SRGAP2C: variants seen among roughly 807,000 people sequenced by gnomAD.
The protein encoded by SRGAP2C is SLIT-ROBO Rho GTPase activating protein 2C, also known as SLIT-ROBO Rho GTPase-activating protein 2C.
SRGAP2C carries 15 observed loss-of-function variants against 25.1 expected under a neutral mutation model. That is an observed-to-expected ratio of 0.60 (90% CI 0.40 to 0.92). SRGAP2C has a LOEUF of 0.92. Ranked by LOEUF, SRGAP2C falls within the 40% of genes least tolerant of loss-of-function variation. The pLI is 0.00. For synonymous variants in SRGAP2C, 44 were observed against 96.6 expected (o/e 0.46, Z 3.19); for missense variants, 144 against 264.4 (o/e 0.54, Z 3.16).
At chr1:121,206,400 C>T (rs1252788856) in intron 2 of SRGAP2C, among the ~76,000 whole-genome samples, 2 of 152,126 alleles carry the variant, frequency 1.3e-5, no homozygotes, top group Non-Finnish European at 2.9e-5. Context: ...GGAGTAAGAT[C>T]GAAGTGGATA....
intron 3 of SRGAP2C, among the ~76,000 whole-genome samples, chr1:121,287,863 C>A (rs1173237542): frequency 6.6e-6 from 1 of 151,600 alleles, no homozygotes; most frequent in Admixed American, 6.6e-5. Flanking sequence ...TAAGGCAGCG[C>A]GTCTGGAGTT....
intron 2 of SRGAP2C, among the ~76,000 whole-genome samples, chr1:121,202,515 G>A (rs1219088766): frequency 1.4e-5 from 2 of 145,134 alleles, no homozygotes; most frequent in South Asian, 2.2e-4. Flanking sequence ...TGCAACCTCC[G>A]ACTCCCGGAT....
At chr1:121,215,056 TC>T (rs1390225451) in intron 2 of SRGAP2C, among the ~76,000 whole-genome samples, 2 of 49,600 alleles carry the variant, frequency 4.0e-5, no homozygotes, top group Non-Finnish European at 7.3e-5. Flanking sequence ...TAGTTGCAGT[TC>T]CCCAAGGCTT....
chr1:121,273,295 G>A (rs782635152), intron 2 of SRGAP2C, among the ~76,000 whole-genome samples: 5,305 of 94,478 alleles, frequency 0.056, 411 homozygotes, highest in African/African-American at 0.11. Flanking sequence ...AAAAACTGTG[G>A]TCAACTAAAT....
chr1:121,292,189 G>A (rs1299024466), intron 3 of SRGAP2C, among the ~76,000 whole-genome samples: 8 of 151,806 alleles, frequency 5.3e-5, no homozygotes, highest in Admixed American at 1.3e-4. Context: ...AAGAGTCCAC[G>A]TAGCTGATGA....
At chr1:121,210,304 T>A (rs1655218833) in intron 2 of SRGAP2C, among the ~76,000 whole-genome samples, 2 of 125,082 alleles carry the variant, frequency 1.6e-5, no homozygotes, top group African/African-American at 3.2e-5. Context: ...GCAGGGTAAT[T>A]CCATCAGCGC....
chr1:121,323,656 G>A (rs1490210736), intron 3 of SRGAP2C, among the ~76,000 whole-genome samples: 1 of 137,264 alleles, frequency 7.3e-6, no homozygotes, highest in Non-Finnish European at 1.5e-5. Context: ...GAGCACCTTG[G>A]TTTAGCACTT....
chr1:121,285,782 C>T (rs1657350783), intron 3 of SRGAP2C, among the ~76,000 whole-genome samples: 1 of 146,968 alleles, frequency 6.8e-6, no homozygotes. Flanking sequence ...GGGCCCCACT[C>T]CAGACCAATT....
At chr1:121,315,225 C>A (rs1308188800) in intron 3 of SRGAP2C, among the ~76,000 whole-genome samples, 20 of 151,400 alleles carry the variant, frequency 1.3e-4, no homozygotes, top group African/African-American at 4.9e-4. Context: ...TGCACTATGG[C>A]CTGAAGCTCC....
At chr1:121,377,156 G>A (rs1454594900) in intron 7 of SRGAP2C, among the ~76,000 whole-genome samples, 1 of 140,194 alleles carries the variant, frequency 7.1e-6, no homozygotes, top group Non-Finnish European at 1.5e-5. Context: ...ACAGGATGTG[G>A]TGTGACATGC....
chr1:121,329,215 A>T (rs1553341985), intron 4 of SRGAP2C, among the ~76,000 whole-genome samples: 1 of 151,822 alleles, frequency 6.6e-6, no homozygotes, highest in East Asian at 1.9e-4. Context: ...CGTCTCAGAA[A>T]AAAAGAAGAG....
At chr1:121,282,209 TC>T (rs1212377968) in intron 2 of SRGAP2C, among the ~76,000 whole-genome samples, 1 of 55,356 alleles carries the variant, frequency 1.8e-5, no homozygotes, top group Non-Finnish European at 3.6e-5. Context: ...AGGCTGGAAT[TC>T]CTTGCTGGCT....
intron 2 of SRGAP2C, among the ~76,000 whole-genome samples, chr1:121,238,613 C>CT (rs1196885950): frequency 1.0e-3 from 150 of 145,648 alleles, no homozygotes; most frequent in Non-Finnish European, 1.7e-3. Flanking sequence ...TTGCATTTTA[C>CT]TTTTTTTTTT....
At chr1:121,285,152 T>C (rs1224695123) in intron 3 of SRGAP2C, among the ~76,000 whole-genome samples, 157 bp downstream of exon 3, 2 of 149,054 alleles carry the variant, frequency 1.3e-5, no homozygotes, top group Admixed American at 1.3e-4. Flanking sequence ...CAGATCAGTC[T>C]TATGTGCAAT....
At chr1:121,195,326 C>T (rs1263746683) in intron 2 of SRGAP2C, among the ~76,000 whole-genome samples, 9 of 151,306 alleles carry the variant, frequency 5.9e-5, no homozygotes, top group Non-Finnish European at 8.9e-5. Flanking sequence ...AGGAGAATCG[C>T]TTGAATCCAG....
At chr1:121,322,102 T>C (rs1161043067) in intron 3 of SRGAP2C, among the ~76,000 whole-genome samples, 2 of 149,744 alleles carry the variant, frequency 1.3e-5, no homozygotes, top group Non-Finnish European at 2.9e-5. Context: ...TATTTGTGTG[T>C]ATGTAAAGTG....
At chr1:121,304,071 C>T (rs1357504354) in intron 3 of SRGAP2C, among the ~76,000 whole-genome samples, 9 of 151,762 alleles carry the variant, frequency 5.9e-5, no homozygotes, top group Non-Finnish European at 1.3e-4. Flanking sequence ...ATTAGCCGGG[C>T]ATGGTGGCAG....
rs1290867665 is a variant in SRGAP2C, at chr1:121,390,970, G to A, written c.*3115G>A. On this transcript the variant is annotated 3_prime_UTR_variant, in exon 10 of 10. Coordinates refer to ENST00000367123, the MANE Select transcript of SRGAP2C (RefSeq NM_001329984.2). ...GTGGGAGGATTACTTGAACTGGGGA[G>A]GCATAGGTTGTAGTGAGCCAAGGTC... 1 of 113,906 alleles carries A rather than the reference G, an allele frequency of 8.8e-6. No homozygotes were observed. Among genetic ancestry groups the A allele is most frequent in the Non-Finnish European group, 1.9e-5 (1 of 53,312 alleles). 7.1% of individuals were successfully genotyped at this position (113,906 alleles called of 1,614,324 possible).
At chr1:121,275,071 G>T (rs1657070777) in intron 2 of SRGAP2C, among the ~76,000 whole-genome samples, 1 of 147,178 alleles carries the variant, frequency 6.8e-6, no homozygotes, top group Non-Finnish European at 1.5e-5. Flanking sequence ...AGAGGTCCAT[G>T]CTAGATTTTA....
Sources: allele counts gnomAD v4.1 joint callset (sites outside exome capture counted in the v4.1 genomes callset), GRCh38; gene constraint gnomAD v4.1.1; transcripts MANE v1.5; gene names NCBI Gene and HGNC (gene_info 2026-07-23, HGNC 2026-07-21).